Variants in SPRY3 observed in about 807,000 individuals in gnomAD.
The protein encoded by SPRY3 is protein sprouty homolog 3.
Under a neutral mutation model 20.2 loss-of-function variants are expected in SPRY3, and 15 were observed. The ratio of observed to expected loss-of-function variants is 0.74; its 90% CI spans 0.50 to 1.14. The LOEUF is 1.14. SPRY3 is among the 50% of genes most tolerant of loss of function. The pLI, the probability that SPRY3 is intolerant of heterozygous loss-of-function variation, is 0.00. For synonymous variants in SPRY3, 143 were observed against 136.5 expected, an observed-to-expected ratio of 1.05 and a Z score of -0.33; for missense variants, 364 against 363.9, an observed-to-expected ratio of 1.00 and a Z score of 0.00.
intron 2 of SPRY3, among the ~76,000 whole-genome samples, chrX:155,732,620 A>G (rs1424695738): frequency 1.3e-5 from 2 of 152,110 alleles, no homozygotes; most frequent in Non-Finnish European, 2.9e-5. Flanking sequence ...AAATATAGTT[A>G]CCATATGATC....
At chrX:155,720,368 T>C (rs1285957109) in intron 2 of SPRY3, among the ~76,000 whole-genome samples, 2 of 151,778 alleles carry the variant, frequency 1.3e-5, no homozygotes, top group African/African-American at 4.8e-5. Context: ...GCCTGGGGGA[T>C]CTCATCCTAC....
intron 2 of SPRY3, among the ~76,000 whole-genome samples, chrX:155,765,606 GATC>G (rs1338331702): frequency 6.6e-6 from 1 of 152,140 alleles, no homozygotes; most frequent in Non-Finnish European, 1.5e-5. Context: ...ATGAATGAAT[GATC>G]ATCAATTTAA....
At chrX:155,729,013 G>A (rs374772062) in intron 2 of SPRY3, among the ~76,000 whole-genome samples, 4 of 152,224 alleles carry the variant, frequency 2.6e-5, no homozygotes, top group East Asian at 1.9e-4. Flanking sequence ...AATTCTGCAA[G>A]AGGATATAAC....
chrX:155,676,854 A>G (rs1603132056), intron 2 of SPRY3, among the ~76,000 whole-genome samples: 1 of 111,210 alleles, frequency 9.0e-6, no homozygotes, highest in African/African-American at 3.3e-5. Context: ...ATCACTTCTC[A>G]AAGGCCTCGT....
chrX:155,691,066 A>G (rs1324155386), intron 2 of SPRY3, among the ~76,000 whole-genome samples: 2 of 86,322 alleles, frequency 2.3e-5, no homozygotes, highest in Non-Finnish European at 4.3e-5. Context: ...CCTTCCTACA[A>G]ATTTGAAAAT....
chrX:155,736,081 G>T (rs1343040337), intron 2 of SPRY3, among the ~76,000 whole-genome samples: 2 of 151,698 alleles, frequency 1.3e-5, no homozygotes, highest in Non-Finnish European at 2.9e-5. Flanking sequence ...GAAAGTGCAG[G>T]TACCTTATAA....
chrX:155,724,290 A>G (rs924354468), intron 2 of SPRY3, among the ~76,000 whole-genome samples: 3 of 152,054 alleles, frequency 2.0e-5, no homozygotes, highest in Non-Finnish European at 4.4e-5. Context: ...TTCCATATGA[A>G]CTTTAAAGTA....
chrX:155,771,240 C>T lies in SPRY3; in HGVS notation c.-106-2526C>T, dbSNP rs1316710781. Among the ~76,000 whole-genome samples the T allele has an allele frequency of 6.6e-5, 10 of 152,158 alleles. 1 individual carries two copies. Among genetic ancestry groups the T allele is most frequent in the Admixed American group, 6.5e-4 (10 of 15,272 alleles). ...ACCATGTACCCTTCTGCTCCCCAGACAGGATCCCCTTTGAACATAATTCTC... is the reference window on the plus strand; with the variant it reads ...ACCATGTACCCTTCTGCTCCCCAGATAGGATCCCCTTTGAACATAATTCTC... On this transcript the variant is annotated intron_variant, in intron 3 of 3. Coordinates refer to ENST00000675360, the Ensembl canonical transcript of SPRY3.
intron 1 of SPRY3, among the ~76,000 whole-genome samples, chrX:155,650,209 T>C (rs1177332374): frequency 9.0e-6 from 1 of 111,603 alleles, no homozygotes; most frequent in Non-Finnish European, 1.9e-5. Context: ...GATTCAATGC[T>C]ATCCTCATTA....
chrX:155,638,399 G>A (rs1411888628), intron 1 of SPRY3, among the ~76,000 whole-genome samples: 1 of 90,313 alleles, frequency 1.1e-5, no homozygotes, highest in African/African-American at 4.4e-5. Context: ...GAAAGAAAAT[G>A]TCACCCTTTC....
intron 1 of SPRY3, among the ~76,000 whole-genome samples, chrX:155,622,528 A>G (rs1557349545): frequency 8.9e-6 from 1 of 111,975 alleles, no homozygotes; most frequent in Non-Finnish European, 1.9e-5. Context: ...TCTGCTAAGT[A>G]AAAATAAAAA....
At chrX:155,723,610 G>A (rs1364127770) in intron 2 of SPRY3, among the ~76,000 whole-genome samples, 27 of 151,994 alleles carry the variant, frequency 1.8e-4, no homozygotes, top group Non-Finnish European at 2.9e-5. Flanking sequence ...CATATCCTTT[G>A]CCCACTTTTT....
chrX:155,744,271 G>T (rs2091216005), intron 2 of SPRY3, among the ~76,000 whole-genome samples: 1 of 152,032 alleles, frequency 6.6e-6, no homozygotes, highest in African/African-American at 2.4e-5. Context: ...CAAGAGTCTT[G>T]GAGAAAAATG....
chrX:155,640,778 AT>A (rs1374904738), intron 1 of SPRY3, among the ~76,000 whole-genome samples: 2 of 112,028 alleles, frequency 1.8e-5, no homozygotes, highest in Non-Finnish European at 3.8e-5. Flanking sequence ...TTGATATTGT[AT>A]CCTGAAACTT....
At chrX:155,775,436 C>T (rs1475423279) in exon 4 of SPRY3, 1 of 167,108 alleles carries the variant, frequency 6.0e-6, no homozygotes, top group Non-Finnish European at 1.5e-5. Flanking sequence ...TCCAAAAGTG[C>T]TGTTTTTCCA....
At chrX:155,714,884 C>T (rs2091011222) in intron 2 of SPRY3, among the ~76,000 whole-genome samples, 1 of 152,050 alleles carries the variant, frequency 6.6e-6, no homozygotes, top group African/African-American at 2.4e-5. Flanking sequence ...GGGGATTCTG[C>T]CAGCCCACCA....
chrX:155,767,732 AGGAGAG>A (rs1387704364), intron 2 of SPRY3: 2 of 60,804 alleles, frequency 3.3e-5, no homozygotes, highest in African/African-American at 9.1e-5. Flanking sequence ...GAGGAGGAGG[AGGAGAG>A]AGAGGAGGAG....
chrX:155,744,669 G>A (rs2091217739), intron 2 of SPRY3, among the ~76,000 whole-genome samples: 1 of 152,084 alleles, frequency 6.6e-6, no homozygotes. Context: ...GGACACTAAA[G>A]TCAGAGAGAC....
chrX:155,670,017 C>T (rs1034987995), intron 2 of SPRY3: 1 of 111,556 alleles, frequency 9.0e-6, no homozygotes, highest in African/African-American at 3.2e-5. Flanking sequence ...TACTAGGCAT[C>T]ATGTTAAAAC....
Sources: gnomAD v4.1 joint callset for allele counts (sites outside exome capture counted in the v4.1 genomes callset) on GRCh38, gnomAD v4.1.1 for gene constraint, MANE v1.5 for transcripts, NCBI Gene and HGNC (gene_info 2026-07-23, HGNC 2026-07-21) for gene names.